The following CTPS2 variants were observed in gnomAD, a reference collection of about 807,000 sequenced individuals.
The protein encoded by CTPS2 is CTP synthase 2, also known as CTP synthase II.
CTPS2 carries 19 observed loss-of-function variants against 46.8 expected under a neutral mutation model. The ratio of observed to expected loss-of-function variants is 0.41; its 90% CI spans 0.28 to 0.60. The LOEUF (loss-of-function observed/expected upper bound fraction) is 0.60. CTPS2 is among the 20% of genes least tolerant of loss of function. The pLI, the probability that CTPS2 is intolerant of heterozygous loss-of-function variation, is 0.35. For missense variants in CTPS2, 286 were observed against 447.6 expected (o/e 0.64, Z 3.26); for synonymous variants, 151 against 165.2 (o/e 0.91, Z 0.66).
At chrX:16,604,132 C>T (rs1416418644) in intron 17 of CTPS2, among the ~76,000 whole-genome samples, 1 of 111,649 alleles carries the variant, frequency 9.0e-6, no homozygotes, top group African/African-American at 3.3e-5. Flanking sequence ...TTTTGTACCA[C>T]GCTGCTTCCT....
Position 16,608,384 on chromosome X carries a change from C to T in CTPS2, c.1691+1157G>A, listed in dbSNP as rs752230049. Among the ~76,000 whole-genome samples, 570 of 109,621 alleles carry T rather than the reference C, an allele frequency of 5.2e-3. 6 individuals are homozygous for T. Among genetic ancestry groups the T allele is most frequent in the African/African-American group, 0.018 (539 of 30,083 alleles). ...GGAGGATTGCTTGAGGTCAAGAATT[C>T]AAGACCAGCCTGGACAATATAGTGA... On this transcript the variant is annotated intron_variant, in intron 17 of 18. Coordinates refer to ENST00000359276, the MANE Select transcript of CTPS2 (RefSeq NM_175859.3).
At chrX:16,634,884 G>A (rs1204919821) in intron 14 of CTPS2, among the ~76,000 whole-genome samples, 1 of 108,998 alleles carries the variant, frequency 9.2e-6, no homozygotes, top group Admixed American at 9.8e-5. Context: ...GGGAGGCGGA[G>A]GTTGCAGTGA....
intron 13 of CTPS2, among the ~76,000 whole-genome samples, chrX:16,655,777 C>G (rs1932803554): frequency 9.0e-6 from 1 of 111,283 alleles, no homozygotes; most frequent in Non-Finnish European, 1.9e-5. Flanking sequence ...CTCAACCTTT[C>G]TTTTTTTCTT....
At chrX:16,606,854 C>G (rs113412535) in intron 17 of CTPS2, among the ~76,000 whole-genome samples, 2 of 111,281 alleles carry the variant, frequency 1.8e-5, no homozygotes, top group African/African-American at 6.6e-5. Context: ...CTCTGCCTCC[C>G]GGGTTCAAAC....
intron 6 of CTPS2, 41 bp downstream of exon 6, chrX:16,693,100 A>G (rs1329007625): frequency 1.2e-6 from 1 of 868,048 alleles, no homozygotes; most frequent in Admixed American, 2.4e-5. Flanking sequence ...TCCTGCTCCC[A>G]GAGACCTTCA....
At chrX:16,596,996 T>G (rs1929320242) in intron 17 of CTPS2, among the ~76,000 whole-genome samples, 1 of 107,132 alleles carries the variant, frequency 9.3e-6, no homozygotes, top group Non-Finnish European at 1.9e-5. Context: ...TGTCTTCTTT[T>G]GAGAAGTGTC....
At chrX:16,688,800 A>G (rs1923453462) in intron 8 of CTPS2, among the ~76,000 whole-genome samples, 1 of 111,690 alleles carries the variant, frequency 9.0e-6, no homozygotes, top group Admixed American at 9.6e-5. Flanking sequence ...TGTGAAGTTT[A>G]AAACTGTTTA....
chrX:16,589,291 C>T lies in CTPS2; in HGVS notation c.*526G>A, dbSNP rs750511891. The T allele has an allele frequency of 8.9e-6, 1 of 111,907 alleles. No homozygotes were observed. The highest frequency in any genetic ancestry group is 9.5e-5 in the Admixed American group (1 of 10,518). 9.2% of individuals were successfully genotyped at this position (111,907 alleles called of 1,213,427 possible). ...TGAGGCAAAGCCTTACTTGCCACCCCCAAGTCTTGGACCTATTCAATTTTA... is the reference window on the plus strand; with the variant it reads ...TGAGGCAAAGCCTTACTTGCCACCCTCAAGTCTTGGACCTATTCAATTTTA... On this transcript the variant is annotated 3_prime_UTR_variant, in exon 19 of 19. Coordinates refer to ENST00000359276, the MANE Select transcript of CTPS2 (RefSeq NM_175859.3).
chrX:16,673,484 C>T (rs1172176627), intron 10 of CTPS2, among the ~76,000 whole-genome samples: 1 of 110,958 alleles, frequency 9.0e-6, no homozygotes, highest in East Asian at 2.8e-4. Context: ...GGGTTCAATT[C>T]CTAGTTTAGG....
At chrX:16,651,187 AG>A in intron 13 of CTPS2, 7 of 280,331 alleles carry the variant, frequency 2.5e-5, no homozygotes, top group Non-Finnish European at 5.0e-5. Flanking sequence ...TGATGGTGGG[AG>A]GGGAGGGAGG....
chrX:16,682,521 C>G (rs183155165), intron 9 of CTPS2, among the ~76,000 whole-genome samples: 2 of 111,995 alleles, frequency 1.8e-5, no homozygotes, highest in African/African-American at 6.5e-5. Context: ...CACAGCAAGC[C>G]TGGCTGCTGC....
chrX:16,661,289 T>C (rs1278024091), intron 13 of CTPS2, among the ~76,000 whole-genome samples: 1 of 112,219 alleles, frequency 8.9e-6, no homozygotes, highest in African/African-American at 3.2e-5. Flanking sequence ...ACTACTTTTA[T>C]GGGAAAAAGG....
chrX:16,620,322 A>G lies in CTPS2; in HGVS notation c.1404T>C (p.Tyr468=), dbSNP rs766274071. The G allele has an allele frequency of 8.3e-7, 1 of 1,198,012 alleles. No individual in the cohort carries two copies. Among genetic ancestry groups the G allele is most frequent in the East Asian group, 3.0e-5 (1 of 33,794 alleles). ...KTENSILRKL[Y]GDVPFIEERH... Reference sequence around the variant, plus strand: ...TTTCTTCTATAAAAGGAACATCACCATAAAGTTTCCCTGTAAAGATACAAG... The same window carrying G: ...TTTCTTCTATAAAAGGAACATCACCGTAAAGTTTCCCTGTAAAGATACAAG... Residue 468 remains tyrosine, a synonymous_variant, in exon 15 of 19, where the codon TAT becomes TAC. Coordinates refer to ENST00000359276, the MANE Select transcript of CTPS2 (RefSeq NM_175859.3).
Position 16,639,307 on chromosome X carries a change from C to A in CTPS2, c.1297-64G>T, listed in dbSNP as rs187594751. The A allele has an allele frequency of 3.6e-4, 299 of 832,018 alleles. 2 individuals are homozygous for A. Among genetic ancestry groups the A allele is most frequent in the Non-Finnish European group, 5.8e-5 (32 of 551,659 alleles). The allele number at this position is 832,018 out of a possible 1,213,427, so 68.6% of individuals were successfully genotyped here. A position where few individuals can be genotyped will look rare whatever the true frequency, so the allele number is the denominator to read the frequency against. On this transcript the variant is annotated intron_variant, in intron 13 of 18. Coordinates refer to ENST00000359276, the MANE Select transcript of CTPS2 (RefSeq NM_175859.3). ...AAAATGTCATTTCCCAAATTTCAAG[C>A]TTTACGTTTAAAGGAATGATCATTG... is the stretch of plus-strand genomic sequence containing the variant.
chrX:16,660,007 T>C (rs1418980123), intron 13 of CTPS2, among the ~76,000 whole-genome samples: 1 of 112,204 alleles, frequency 8.9e-6, no homozygotes, highest in Non-Finnish European at 1.9e-5. Context: ...CTATGAATAA[T>C]GCTGCAACAA....
At chrX:16,673,253 T>C (rs1005389774) in intron 10 of CTPS2, among the ~76,000 whole-genome samples, 1 of 111,427 alleles carries the variant, frequency 9.0e-6, no homozygotes, top group Non-Finnish European at 1.9e-5. Flanking sequence ...TCTGTCATAA[T>C]GAGGGGTCTT....
intron 13 of CTPS2, among the ~76,000 whole-genome samples, chrX:16,646,189 T>C (rs1345650413): frequency 1.8e-5 from 2 of 112,343 alleles, no homozygotes; most frequent in Non-Finnish European, 3.8e-5. Flanking sequence ...TAACATACAA[T>C]GGTTGTCCTC....
At chrX:16,670,745 C>T (rs761212963) in intron 10 of CTPS2, 71 bp from the exon 11 acceptor site, 29 of 692,127 alleles carry the variant, frequency 4.2e-5, no homozygotes, top group East Asian at 3.0e-4. Flanking sequence ...TTCAGCCATT[C>T]GTGCAATGCT....
intron 15 of CTPS2, among the ~76,000 whole-genome samples, chrX:16,618,687 C>T (rs1930660461): frequency 9.0e-6 from 1 of 111,517 alleles, no homozygotes; most frequent in Non-Finnish European, 1.9e-5. Flanking sequence ...ATACGCATTT[C>T]CCTGATCACT....
Sources: gnomAD v4.1 joint callset for allele counts (sites outside exome capture counted in the v4.1 genomes callset) on GRCh38, gnomAD v4.1.1 for gene constraint, MANE v1.5 for transcripts, NCBI Gene and HGNC (gene_info 2026-07-23, HGNC 2026-07-21) for gene names.